TMEM117: variants seen among roughly 807,000 people sequenced by gnomAD.
TMEM117 encodes the protein transmembrane protein 117.
A neutral mutation model predicts 52.4 loss-of-function variants in TMEM117; 27 were observed. The ratio of observed to expected loss-of-function variants is 0.51; its 90% confidence interval spans 0.38 to 0.71. The LOEUF is 0.71. Among genes scored for constraint, TMEM117 ranks in the 30% least tolerant of loss-of-function variants. TMEM117 has a pLI of 0.00. For missense variants in TMEM117, 556 were observed against 630.5 expected (o/e 0.88, Z 1.26); for synonymous variants, 215 against 206.3 (o/e 1.04, Z -0.36).
chr12:44,185,671 CAGTATTTCA>C (rs1949267214), intron 4 of TMEM117, among the ~76,000 whole-genome samples: 3 of 151,860 alleles, frequency 2.0e-5, no homozygotes, highest in Admixed American at 2.0e-4. Flanking sequence ...ACAAATATTC[CAGTATTTCA>C]CCATGTGCAA....
intron 3 of TMEM117, among the ~76,000 whole-genome samples, chr12:44,002,693 A>G (rs1381603886): frequency 2.6e-5 from 4 of 151,994 alleles, no homozygotes; most frequent in Non-Finnish European, 5.9e-5. Context: ...CTCTCCCCTC[A>G]TATCTCATGA....
intron 4 of TMEM117, among the ~76,000 whole-genome samples, chr12:44,153,145 CA>C (rs1948779364): frequency 1.3e-5 from 2 of 151,726 alleles, no homozygotes; most frequent in Non-Finnish European, 2.9e-5. Context: ...AACTTTATAT[CA>C]GATACATACT....
At chr12:44,173,576 T>C (rs1176915993) in intron 4 of TMEM117, among the ~76,000 whole-genome samples, 2 of 151,538 alleles carry the variant, frequency 1.3e-5, no homozygotes, top group African/African-American at 4.9e-5. Context: ...CTGTTTGACA[T>C]TTTTTTATTC....
intron 3 of TMEM117, among the ~76,000 whole-genome samples, chr12:44,037,260 T>A (rs1946723991): frequency 6.6e-6 from 1 of 152,184 alleles, no homozygotes; most frequent in Non-Finnish European, 1.5e-5. Flanking sequence ...CAGCCACAGC[T>A]GCAGGCGAGG....
At chr12:43,879,892 G>T (rs2137447677) in intron 2 of TMEM117, among the ~76,000 whole-genome samples, 1 of 152,258 alleles carries the variant, frequency 6.6e-6, no homozygotes, top group South Asian at 2.1e-4. Flanking sequence ...CTTCACTTGA[G>T]CAAGATTGAA....
chr12:43,834,853 C>A (rs1394914812), upstream of TMEM117, among the ~76,000 whole-genome samples: 1 of 152,066 alleles, frequency 6.6e-6, no homozygotes, highest in Non-Finnish European at 1.5e-5. Context: ...GGAAGTATGG[C>A]AGTGAATTCC....
In TMEM117 at chr12:43,854,419, G is replaced by A. The variant is rs1163029911; in HGVS notation, c.277+9491G>A. Among the ~76,000 whole-genome samples, 10 of 151,660 alleles carry A rather than the reference G, an allele frequency of 6.6e-5. No homozygotes were observed. In the East Asian group the frequency reaches 1.4e-3, roughly 21 times the overall value. ...AATGAAAGGTAACTAGGAAGATTAG[G>A]CTGGGAGACTGGAGGAGTGATTATC... On this transcript the variant is annotated intron_variant, in intron 2 of 7. Transcript: ENST00000266534.
At chr12:44,030,267 A>G (rs1031214259) in intron 3 of TMEM117, among the ~76,000 whole-genome samples, 1 of 152,336 alleles carries the variant, frequency 6.6e-6, no homozygotes. Flanking sequence ...TAAGGTCATA[A>G]ACTGCTTCTT....
chr12:43,913,585 A>G (rs1486083380), intron 2 of TMEM117, among the ~76,000 whole-genome samples: 1 of 152,166 alleles, frequency 6.6e-6, no homozygotes, highest in East Asian at 1.9e-4. Flanking sequence ...GAAGCAGACC[A>G]TGTCCAACTG....
intron 5 of TMEM117, among the ~76,000 whole-genome samples, chr12:44,255,679 A>C (rs1177389221): frequency 6.6e-6 from 1 of 152,076 alleles, no homozygotes; most frequent in East Asian, 1.9e-4. Context: ...TAACACAGAC[A>C]CATGCATACA....
intron 3 of TMEM117, among the ~76,000 whole-genome samples, chr12:44,129,160 C>T (rs949340233): frequency 2.0e-5 from 3 of 152,192 alleles, no homozygotes; most frequent in Non-Finnish European, 2.9e-5. Context: ...TGGGCCACAG[C>T]GCTGTTTCTA....
chr12:44,181,100 C>A (rs1187022027), intron 4 of TMEM117, among the ~76,000 whole-genome samples: 1 of 142,950 alleles, frequency 7.0e-6, no homozygotes, highest in African/African-American at 2.6e-5. Flanking sequence ...TCTCTGATGG[C>A]CAGTGATGAT....
intron 3 of TMEM117, among the ~76,000 whole-genome samples, chr12:44,124,936 G>T (rs1948297706): frequency 1.3e-5 from 2 of 152,154 alleles, no homozygotes; most frequent in Non-Finnish European, 2.9e-5. Flanking sequence ...ATGAGTTAGG[G>T]AGGAGCCCCT....
intron 2 of TMEM117, among the ~76,000 whole-genome samples, chr12:43,899,914 T>C (rs1944276373): frequency 6.6e-6 from 1 of 152,194 alleles, no homozygotes; most frequent in African/African-American, 2.4e-5. Flanking sequence ...TAAAGATTTA[T>C]ATATATTCAT....
intron 3 of TMEM117, among the ~76,000 whole-genome samples, chr12:43,995,592 TC>T (rs1946016375): frequency 6.6e-6 from 1 of 152,156 alleles, no homozygotes; most frequent in Non-Finnish European, 1.5e-5. Context: ...ATGGAAAAGT[TC>T]TTAGTGGTGA....
intron 3 of TMEM117, among the ~76,000 whole-genome samples, chr12:43,963,047 A>T (rs965492447): frequency 1.3e-5 from 2 of 151,912 alleles, no homozygotes; most frequent in Non-Finnish European, 2.9e-5. Flanking sequence ...AGATGCTTAT[A>T]TTCTTTTAGC....
At chr12:44,133,899 C>T (rs1948451334) in intron 3 of TMEM117, among the ~76,000 whole-genome samples, 1 of 152,180 alleles carries the variant, frequency 6.6e-6, no homozygotes, top group African/African-American at 2.4e-5. Flanking sequence ...TTCTATACTA[C>T]TAAATGATGT....
the TMEM117 span, chr12:43,797,162 A>G: frequency 5.3e-6 from 8 of 1,499,436 alleles, no homozygotes; most frequent in Admixed American, 6.6e-5. Context: ...AAAACTACAT[A>G]TATAAACTTC....
At chr12:43,810,455 T>C in the TMEM117 span, among the ~76,000 whole-genome samples, 1 of 152,176 alleles carries the variant, frequency 6.6e-6, no homozygotes, top group African/African-American at 2.4e-5. Context: ...TTCCTTGTCC[T>C]TTATGTATTT....
Sources: allele counts gnomAD v4.1 joint callset (sites outside exome capture counted in the v4.1 genomes callset), GRCh38; gene constraint gnomAD v4.1.1; transcripts MANE v1.5; gene names NCBI Gene and HGNC (gene_info 2026-07-23, HGNC 2026-07-21).